NKAIN2: variants seen among roughly 807,000 people sequenced by gnomAD.
NKAIN2 encodes the protein sodium/potassium-transporting ATPase subunit beta-1-interacting protein 2.
A neutral mutation model predicts 32.6 loss-of-function variants in NKAIN2; 14 were observed. The observed-to-expected ratio is 0.43, with a 90% confidence interval of 0.28 to 0.67. NKAIN2 has a LOEUF of 0.67. Among genes scored for constraint, NKAIN2 ranks in the 30% least tolerant of loss-of-function variants. NKAIN2 has a pLI of 0.17. For synonymous variants in NKAIN2, 80 were observed against 87.2 expected, an observed-to-expected ratio of 0.92 and a Z score of 0.46; for missense variants, 198 against 258.3, an observed-to-expected ratio of 0.77 and a Z score of 1.60.
chr6:124,391,924 G>A (rs73580809), intron 3 of NKAIN2, among the ~76,000 whole-genome samples: 1 of 151,946 alleles, frequency 6.6e-6, no homozygotes, highest in Non-Finnish European at 1.5e-5. Context: ...CAGCACTTCT[G>A]GTTGTTTGTA....
At chr6:124,293,783 A>G (rs996329) in intron 2 of NKAIN2, among the ~76,000 whole-genome samples, 40,562 of 151,758 alleles carry the variant, frequency 0.27, 6,850 homozygotes, top group African/African-American at 0.48. Flanking sequence ...TGCTCATTTC[A>G]TGTATTAATA....
chr6:123,849,068 T>G (rs1775207463), intron 1 of NKAIN2, among the ~76,000 whole-genome samples: 1 of 152,194 alleles, frequency 6.6e-6, no homozygotes, highest in Admixed American at 6.5e-5. Flanking sequence ...CTTTGGAGAT[T>G]TTGGCAACCA....
intron 3 of NKAIN2, among the ~76,000 whole-genome samples, chr6:124,380,138 G>T (rs754255076): frequency 9.9e-5 from 15 of 152,226 alleles, no homozygotes; most frequent in Admixed American, 9.2e-4. Flanking sequence ...GGCAGCCACC[G>T]CAGCCACACT....
At chr6:124,629,874 GAT>G (rs1491484691) in intron 3 of NKAIN2, among the ~76,000 whole-genome samples, 1 of 150,264 alleles carries the variant, frequency 6.7e-6, no homozygotes, top group Non-Finnish European at 1.5e-5. Context: ...ATATCCAAGA[GAT>G]ACTTATGCTA....
intron 4 of NKAIN2, among the ~76,000 whole-genome samples, chr6:124,708,431 G>A (rs914291740): frequency 3.0e-4 from 45 of 151,896 alleles, no homozygotes; most frequent in Non-Finnish European, 1.3e-4. Flanking sequence ...ATTACCTTGG[G>A]CAGTATGGCC....
intron 4 of NKAIN2, among the ~76,000 whole-genome samples, chr6:124,750,615 A>G (rs1240593948): frequency 6.6e-6 from 1 of 151,980 alleles, no homozygotes; most frequent in East Asian, 1.9e-4. Flanking sequence ...CTTTAAATAT[A>G]CCAGTTGTGT....
intron 4 of NKAIN2, among the ~76,000 whole-genome samples, chr6:124,671,243 A>G (rs889117978): frequency 1.3e-5 from 2 of 152,154 alleles, no homozygotes; most frequent in Admixed American, 6.5e-5. Context: ...GTATCATTAT[A>G]TCTCTCCTCC....
chr6:124,078,571 A>G (rs1301176875), intron 1 of NKAIN2, among the ~76,000 whole-genome samples: 1 of 152,206 alleles, frequency 6.6e-6, no homozygotes, highest in Non-Finnish European at 1.5e-5. Context: ...GTGTAATACC[A>G]CAGTCTATGA....
At chr6:124,228,198 G>A (rs1582885041) in intron 1 of NKAIN2, among the ~76,000 whole-genome samples, 3 of 152,108 alleles carry the variant, frequency 2.0e-5, no homozygotes, top group Non-Finnish European at 4.4e-5. Context: ...TCAGTTTGAT[G>A]GTATTTGGAG....
chr6:124,811,870 A>G (rs1780916043), intron 5 of NKAIN2, among the ~76,000 whole-genome samples: 1 of 152,130 alleles, frequency 6.6e-6, no homozygotes, highest in South Asian at 2.1e-4. Flanking sequence ...ACCTCAGTAT[A>G]GCTCTTAAAA....
At chr6:124,203,010 G>T (rs1790668323) in intron 1 of NKAIN2, among the ~76,000 whole-genome samples, 1 of 151,882 alleles carries the variant, frequency 6.6e-6, no homozygotes, top group South Asian at 2.1e-4. Flanking sequence ...TTTTTGTCAT[G>T]TAGTATAGCT....
intron 3 of NKAIN2, among the ~76,000 whole-genome samples, chr6:124,492,711 A>G (rs1015009703): frequency 1.3e-5 from 2 of 152,034 alleles, no homozygotes; most frequent in Admixed American, 6.6e-5. Flanking sequence ...ACAAACTATG[A>G]TATACTTAAT....
At chr6:124,487,352 G>A (rs1777692358) in intron 3 of NKAIN2, among the ~76,000 whole-genome samples, 2 of 152,200 alleles carry the variant, frequency 1.3e-5, no homozygotes, top group East Asian at 1.9e-4. Context: ...TAGACACTTA[G>A]CCATTTGGTC....
At chr6:124,105,838 T>C (rs1254167096) in intron 1 of NKAIN2, among the ~76,000 whole-genome samples, 1 of 152,206 alleles carries the variant, frequency 6.6e-6, no homozygotes, top group African/African-American at 2.4e-5. Flanking sequence ...TGCTACTTCC[T>C]TTGCTATTAC....
At chr6:124,030,066 C>A (rs1186782925) in intron 1 of NKAIN2, among the ~76,000 whole-genome samples, 1 of 150,566 alleles carries the variant, frequency 6.6e-6, no homozygotes, top group African/African-American at 2.5e-5. Context: ...ACAAACAAAA[C>A]AAAAACATAA....
intron 4 of NKAIN2, among the ~76,000 whole-genome samples, chr6:124,753,763 A>C (rs193210230): frequency 6.6e-6 from 1 of 152,136 alleles, no homozygotes; most frequent in East Asian, 1.9e-4. Context: ...GGAATTGTTT[A>C]TTGTTGCCCC....
rs113117809 is a variant in NKAIN2 at position 123,862,344 on chromosome 6, A to G, written c.54+58090A>G. 2.9e-4 allele frequency among the ~76,000 whole-genome samples: 44 copies of G among 152,092 alleles called. 1 individual carries two copies. Among genetic ancestry groups the G allele is most frequent in the African/African-American group, 1.1e-3 (44 of 41,490 alleles). On this transcript the variant is annotated intron_variant, in intron 1 of 6. Coordinates refer to ENST00000368417, the MANE Select transcript of NKAIN2 (RefSeq NM_001040214.3). ...ACTCAGTTTTTTAGTTTTTGACTCT[A>G]TCTTAGTTTTATTGCTCTTGCCCAT...
rs563251947 is a variant in NKAIN2 at position 123,998,648 on chromosome 6, T to A, written c.54+194394T>A. Among the ~76,000 whole-genome samples the A allele has an allele frequency of 4.6e-5, 7 of 152,104 alleles. No homozygotes were observed. In the East Asian group the frequency reaches 1.2e-3, roughly 25 times the overall value. ...ACAGGGGAGTACTACTATAATCTTG[T>A]CTTATTATGATTCACAATAGTCAAG... On this transcript the variant is annotated intron_variant, in intron 1 of 6. Coordinates refer to ENST00000368417, the MANE Select transcript of NKAIN2 (RefSeq NM_001040214.3).
At chr6:124,397,367 C>T (rs1384379374) in intron 3 of NKAIN2, among the ~76,000 whole-genome samples, 2 of 151,944 alleles carry the variant, frequency 1.3e-5, no homozygotes, top group Non-Finnish European at 2.9e-5. Flanking sequence ...TCAGTGCTTA[C>T]CAATAATGAT....
Sources: allele counts gnomAD v4.1 joint callset (sites outside exome capture counted in the v4.1 genomes callset), GRCh38; gene constraint gnomAD v4.1.1; transcripts MANE v1.5; gene names NCBI Gene and HGNC (gene_info 2026-07-23, HGNC 2026-07-21).